The following UGDH variants were observed in gnomAD, a reference collection of about 807,000 sequenced individuals.
The protein encoded by UGDH is UDP-Glc dehydrogenase.
In UGDH, 38 loss-of-function variants were observed where a neutral mutation model predicts 50.6. That is an observed-to-expected ratio of 0.75 (90% confidence interval 0.58 to 0.98). The LOEUF is 0.98. Among genes scored for constraint, UGDH ranks in the 50% least tolerant of loss-of-function variants. UGDH has a pLI of 0.00. For missense variants in UGDH, 465 were observed against 606.2 expected (o/e 0.77, Z 2.45); for synonymous variants, 168 against 199.9 (o/e 0.84, Z 1.35).
intron 7 of UGDH, among the ~76,000 whole-genome samples, chr4:39,507,380 T>C (rs919677857): frequency 6.6e-6 from 1 of 152,222 alleles, no homozygotes; most frequent in Non-Finnish European, 1.5e-5. Flanking sequence ...CTTGAAAGCA[T>C]GACAATATAG....
At chr4:39,506,871 C>T (rs1007726342) in intron 7 of UGDH, among the ~76,000 whole-genome samples, 1 of 152,106 alleles carries the variant, frequency 6.6e-6, no homozygotes, top group Admixed American at 6.6e-5. Flanking sequence ...TTAAAATGTG[C>T]ATTTCCGGCT....
In UGDH at chr4:39,501,077, C is replaced by T. The variant is rs139359848; in HGVS notation, c.1375-824G>A. On this transcript the variant is annotated intron_variant, in intron 11 of 11. Transcript: ENST00000316423. ...CCTCGCAGGTTCAAGCGATTCTCCT[C>T]GCCTCAGCCTCCCAAGTAGCTAGGA... Among the ~76,000 whole-genome samples the T allele has an allele frequency of 4.5e-3, 678 of 151,558 alleles. 3 individuals carry two copies. The highest frequency in any genetic ancestry group is 0.015 in the African/African-American group (639 of 41,302).
At position 39,508,644 on chromosome 4, in the gene UGDH, A is replaced by G. The variant is rs1129052; in HGVS notation, c.828T>C (p.Cys276=). The G allele has an allele frequency of 0.13, 203,743 of 1,599,924 alleles. 20,335 individuals are homozygous for G. The highest frequency in any genetic ancestry group is 0.46 in the African/African-American group (33,759 of 73,030). ...CCAAATTCAGAACATCCTTTTGGAA[A>G]CAGCTCCCACCAAACCCTGCAGAAA... ...LKASVGFGGS[C]FQKDVLNLVY... The change falls in exon 7 of 12, where the codon TGT becomes TGC. Residue 276 remains cysteine (C), a synonymous_variant. Transcript: ENST00000316423.
intron 7 of UGDH, among the ~76,000 whole-genome samples, chr4:39,508,143 A>C (rs965124109): frequency 3.9e-5 from 6 of 152,230 alleles, no homozygotes; most frequent in Non-Finnish European, 7.3e-5. Context: ...GACTTCCTGG[A>C]ATAAATAAAT....
rs779068495 is a variant in UGDH, at chr4:39,500,257, A to G, written c.1375-4T>C. On this transcript the variant is annotated splice_region_variant and splice_polypyrimidine_tract_variant and intron_variant, in intron 11 of 11. Transcript: ENST00000316423. ...CCTTTTTGCCAATTGTTTCAATCTG[A>G]AAAAAAAATAAAATTTAAGAGAACT... is the stretch of plus-strand genomic sequence containing the variant. 15 of 1,489,044 alleles carry G rather than the reference A, an allele frequency of 1.0e-5. No homozygotes were observed. Among genetic ancestry groups the G allele is most frequent in the East Asian group, 4.6e-5 (2 of 43,722 alleles). The allele number at this position is 1,489,044 out of a possible 1,614,324, so 92.2% of individuals were successfully genotyped here.
chr4:39,526,107 G>A (rs1387411248), intron 1 of UGDH, among the ~76,000 whole-genome samples: 3 of 152,184 alleles, frequency 2.0e-5, no homozygotes, highest in Non-Finnish European at 4.4e-5. Context: ...TAGGTACCCA[G>A]GAGCTAACGA....
At chr4:39,514,408 G>T (rs543280194) in intron 2 of UGDH, among the ~76,000 whole-genome samples, 3 of 152,314 alleles carry the variant, frequency 2.0e-5, no homozygotes, top group African/African-American at 7.2e-5. Context: ...TGTCACCCAG[G>T]CTGGAGTGCA....
chr4:39,516,450 A>G (rs1746446069), intron 2 of UGDH, among the ~76,000 whole-genome samples: 1 of 152,210 alleles, frequency 6.6e-6, no homozygotes, highest in South Asian at 2.1e-4. Context: ...CTTTAATTAC[A>G]TGCTTGAAAT....
rs368548126 is a variant in UGDH at position 39,512,435 on chromosome 4, CAA to C, written c.265-1576_265-1575del. ...TTACATGTAATGGTGTACGGAAAGG[CAA>C]AGACAGCTCATGATGTAGGGTGAAA... On this transcript the variant is annotated intron_variant, in intron 3 of 11. Transcript: ENST00000316423. Among the ~76,000 whole-genome samples, 135 of 152,198 alleles carry C rather than the reference CAA, an allele frequency of 8.9e-4. 3 individuals carry two copies. The South Asian group carries it at 0.027, about 30-fold the overall frequency.
At chr4:39,519,127 G>A (rs907714301) in intron 2 of UGDH, among the ~76,000 whole-genome samples, 1 of 151,592 alleles carries the variant, frequency 6.6e-6, no homozygotes, top group African/African-American at 2.4e-5. Flanking sequence ...ATGTTGGCCA[G>A]GCTGGTTTCG....
chr4:39,512,990 T>C (rs980640048), intron 3 of UGDH, among the ~76,000 whole-genome samples: 2 of 152,032 alleles, frequency 1.3e-5, no homozygotes, highest in Non-Finnish European at 2.9e-5. Flanking sequence ...GCCAGCTAAG[T>C]AGAGACAGGG....
Position 39,525,286 on chromosome 4 carries a change from T to C in UGDH, c.-8+1997A>G, listed in dbSNP as rs183263852. Among the ~76,000 whole-genome samples the C allele has an allele frequency of 7.2e-3, 1,096 of 152,200 alleles. 2 individuals are homozygous for C. Among genetic ancestry groups the C allele is most frequent in the Non-Finnish European group, 0.011 (751 of 68,000 alleles). ...TCGGCTCACTGCAACCTCCGTCTCC[T>C]GGGTTCAAGCAATTCTCCTGCCTCA... On this transcript the variant is annotated intron_variant, in intron 1 of 11. Coordinates refer to ENST00000316423, the MANE Select transcript of UGDH (RefSeq NM_003359.4).
intron 5 of UGDH, 124 bp from the exon 6 acceptor site, chr4:39,510,031 A>AATT: frequency 1.8e-6 from 2 of 1,135,504 alleles, no homozygotes; most frequent in Non-Finnish European, 2.4e-6. Flanking sequence ...TGATGAGCTC[A>AATT]ATTTGAGGAG....
intron 6 of UGDH, among the ~76,000 whole-genome samples, chr4:39,509,130 A>G (rs1385956316): frequency 2.7e-5 from 4 of 149,604 alleles, no homozygotes; most frequent in African/African-American, 4.9e-5. Context: ...GTGCACCATC[A>G]TGCCTGACTA....
chr4:39,503,985 C>T lies in UGDH; in HGVS notation c.1264G>A (p.Glu422Lys), dbSNP rs772787684. The T allele has an allele frequency of 8.1e-6, 13 of 1,613,298 alleles. No individual in the cohort carries two copies. Among genetic ancestry groups the T allele is most frequent in the Non-Finnish European group, 1.0e-5 (12 of 1,179,516 alleles). Residue 422 changes from glutamate to lysine, a missense_variant and splice_region_variant, in exon 11 of 12, where the codon GAA becomes AAA. Transcript: ENST00000316423. ...VICTEWDMFK[E>K]LDYERIHKKM... ...TTATGAATGCGTTCATAATCCAATT[C>T]CTGTAAAGACAAACCACAGGAACAA...
At chr4:39,505,499 T>G (rs1054720065) in intron 8 of UGDH, 119 bp downstream of exon 8, 79 of 1,111,642 alleles carry the variant, frequency 7.1e-5, no homozygotes, top group Middle Eastern at 6.7e-4. Flanking sequence ...GATATTTATT[T>G]TTATTCTTTA....
rs547248881 is a variant in UGDH, at chr4:39,516,378, T to G, written c.163-2194A>C. Among the ~76,000 whole-genome samples the G allele has an allele frequency of 3.9e-5, 6 of 152,326 alleles. No homozygotes were observed. The East Asian group carries it at 1.2e-3, about 29-fold the overall frequency. On this transcript the variant is annotated intron_variant, in intron 2 of 11. Coordinates refer to ENST00000316423, the MANE Select transcript of UGDH (RefSeq NM_003359.4). ...CATGGTGGTAGTTGGGAAGGAGGAC[T>G]GGCCACGTAGATAACTGTTGAAACA...
intron 1 of UGDH, among the ~76,000 whole-genome samples, chr4:39,523,718 CG>C (rs1189648064): frequency 2.6e-5 from 4 of 151,534 alleles, no homozygotes; most frequent in Non-Finnish European, 5.9e-5. Flanking sequence ...GCAGGAGAAT[CG>C]CTTGAACCCG....
At chr4:39,511,655 G>A (rs1406913874) in intron 3 of UGDH, among the ~76,000 whole-genome samples, 1 of 151,104 alleles carries the variant, frequency 6.6e-6, no homozygotes, top group Non-Finnish European at 1.5e-5. Flanking sequence ...GTTCATTAAA[G>A]CTAGACATTA....
Sources: gnomAD v4.1 joint callset for allele counts (sites outside exome capture counted in the v4.1 genomes callset) on GRCh38, gnomAD v4.1.1 for gene constraint, MANE v1.5 for transcripts, NCBI Gene and HGNC (gene_info 2026-07-23, HGNC 2026-07-21) for gene names.